Variants in PARD3 observed in about 807,000 individuals in gnomAD.
The protein encoded by PARD3 is partitioning defective 3 homolog.
Under a neutral mutation model 155.4 loss-of-function variants are expected in PARD3, and 75 were observed. That is an observed-to-expected ratio of 0.48 (90% CI 0.40 to 0.58). The LOEUF is 0.58. PARD3 is among the 20% of genes least tolerant of loss of function. The probability of loss-of-function intolerance (pLI) is 0.00; values close to 1 mark genes in which losing one functional copy is unlikely to be tolerated. For missense variants in PARD3, 1,642 were observed against 1,721.7 expected, an observed-to-expected ratio of 0.95 and a Z score of 0.82; for synonymous variants, 576 against 610.5, an observed-to-expected ratio of 0.94 and a Z score of 0.83.
At position 34,372,589 on chromosome 10, in the gene PARD3, C is replaced by T. The variant is rs1840802009; in HGVS notation, c.1669-53G>A. On this transcript the variant is annotated intron_variant, in intron 11 of 24. Coordinates refer to ENST00000374788, the MANE Select transcript of PARD3 (RefSeq NM_001184785.2). Reference sequence around the variant, plus strand: ...ACAGACTGACCAAAGCCATCTTCAACACACAGGGACACAATGATTTATTTT... The same window carrying T: ...ACAGACTGACCAAAGCCATCTTCAATACACAGGGACACAATGATTTATTTT... 1.5e-5 allele frequency: 17 copies of T among 1,166,664 alleles called. 1 individual carries two copies. The South Asian group carries it at 1.9e-4, about 13-fold the overall frequency. 72.3% of individuals were successfully genotyped at this position (1,166,664 alleles called of 1,614,324 possible). A position where few individuals can be genotyped will look rare whatever the true frequency, so the allele number is the denominator to read the frequency against.
Position 34,354,665 on chromosome 10 carries a change from T to C in PARD3, c.2067+4482A>G, listed in dbSNP as rs190540872. Reference sequence around the variant, plus strand: ...AGTCTTTGCTAGGATGAGGGGCAGATAGACTCAAGTGGAAGACCTAGAGGT... The same window carrying C: ...AGTCTTTGCTAGGATGAGGGGCAGACAGACTCAAGTGGAAGACCTAGAGGT... On this transcript the variant is annotated intron_variant, in intron 14 of 24. Transcript: ENST00000374788. Among the ~76,000 whole-genome samples, 26 of 152,130 alleles carry C rather than the reference T, an allele frequency of 1.7e-4. No homozygotes were observed. The East Asian group carries it at 1.9e-3, about 11-fold the overall frequency.
chr10:34,811,900 T>C (rs956031129), intron 1 of PARD3, among the ~76,000 whole-genome samples: 1 of 152,110 alleles, frequency 6.6e-6, no homozygotes, highest in Non-Finnish European at 1.5e-5. Context: ...TGTAACGCGG[T>C]TCCCAATGTC....
intron 2 of PARD3, among the ~76,000 whole-genome samples, chr10:34,535,434 G>A (rs2083155626): frequency 6.6e-6 from 1 of 152,156 alleles, no homozygotes; most frequent in African/African-American, 2.4e-5. Flanking sequence ...CTTCCATGAC[G>A]AAGAACAGTA....
At chr10:34,309,847 G>C (rs1268843324) in intron 20 of PARD3, among the ~76,000 whole-genome samples, 1 of 138,850 alleles carries the variant, frequency 7.2e-6, no homozygotes. Flanking sequence ...GAATGGTTTG[G>C]CTCTTGGCTT....
At chr10:34,716,516 T>C (rs776982891) in intron 1 of PARD3, among the ~76,000 whole-genome samples, 4 of 151,518 alleles carry the variant, frequency 2.6e-5, no homozygotes, top group Non-Finnish European at 2.9e-5. Context: ...CAGAGTAGGT[T>C]GTGAAGCTTG....
intron 10 of PARD3, 105 bp downstream of exon 10, chr10:34,377,862 G>GTA (rs1349349914): frequency 1.2e-6 from 1 of 838,674 alleles, no homozygotes; most frequent in Non-Finnish European, 1.8e-6. Context: ...CCGCTAAAAT[G>GTA]TATATAACTG....
At chr10:34,331,751 A>AT (rs1264585876) in intron 18 of PARD3, among the ~76,000 whole-genome samples, 1 of 123,188 alleles carries the variant, frequency 8.1e-6, no homozygotes, top group African/African-American at 3.5e-5. Flanking sequence ...CTTAATTAAA[A>AT]CCTTTTTTTT....
At chr10:34,219,443 C>G (rs938556805) in intron 22 of PARD3, among the ~76,000 whole-genome samples, 1 of 152,140 alleles carries the variant, frequency 6.6e-6, no homozygotes, top group Non-Finnish European at 1.5e-5. Flanking sequence ...TCCACTTTAG[C>G]GGGGGTATGC....
chr10:34,231,056 G>A lies in PARD3; in HGVS notation c.3419+38601C>T, dbSNP rs151288735. On this transcript the variant is annotated intron_variant, in intron 22 of 24. Coordinates refer to ENST00000374788, the MANE Select transcript of PARD3 (RefSeq NM_001184785.2). ...AAAAGAAAACCCCAACTGAAACTCAGGTTACTCCAGTTGTATCCAAAAGCG... is the reference window on the plus strand; with the variant it reads ...AAAAGAAAACCCCAACTGAAACTCAAGTTACTCCAGTTGTATCCAAAAGCG... Among the ~76,000 whole-genome samples the A allele has an allele frequency of 4.6e-5, 7 of 151,786 alleles. 1 individual carries two copies. The highest frequency in any genetic ancestry group is 1.0e-4 in the Non-Finnish European group (7 of 67,940).
chr10:34,559,605 T>A (rs1226079265), intron 2 of PARD3, among the ~76,000 whole-genome samples: 3 of 152,204 alleles, frequency 2.0e-5, no homozygotes, highest in Non-Finnish European at 4.4e-5. Context: ...GATTGCTACC[T>A]TTTTAACATC....
In PARD3 at chr10:34,166,144, T is replaced by C. The variant is rs60628591; in HGVS notation, c.3420-34561A>G. On this transcript the variant is annotated intron_variant, in intron 22 of 24. Transcript: ENST00000374788. Reference sequence around the variant, plus strand: ...ATGAAGCTTTGAAAAAGTTGTTCTATTGGAAAAAAATTAATTAGAAAACAA... The same window carrying C: ...ATGAAGCTTTGAAAAAGTTGTTCTACTGGAAAAAAATTAATTAGAAAACAA... 3.5e-3 allele frequency among the ~76,000 whole-genome samples: 530 copies of C among 152,320 alleles called. 3 individuals are homozygous for C. The highest frequency in any genetic ancestry group is 0.012 in the African/African-American group (511 of 41,560).
chr10:34,639,628 CAGG>C (rs1280331373), intron 2 of PARD3, among the ~76,000 whole-genome samples: 1 of 152,198 alleles, frequency 6.6e-6, no homozygotes, highest in Non-Finnish European at 1.5e-5. Context: ...GAGGCCAAAG[CAGG>C]AGGACTGCTA....
chr10:34,292,851 C>G (rs995089159), intron 20 of PARD3, among the ~76,000 whole-genome samples: 1 of 152,010 alleles, frequency 6.6e-6, no homozygotes, highest in African/African-American at 2.4e-5. Context: ...AAGTGCACTC[C>G]TACTCCAGCA....
intron 5 of PARD3, among the ~76,000 whole-genome samples, chr10:34,448,090 G>A (rs147480167): frequency 6.6e-6 from 1 of 152,064 alleles, no homozygotes; most frequent in African/African-American, 2.4e-5. Context: ...CAACCTAAGT[G>A]ACCTGCAACC....
At position 34,177,865 on chromosome 10, in the gene PARD3, C is replaced by T. The variant is rs546596337; in HGVS notation, c.3420-46282G>A. Among the ~76,000 whole-genome samples the T allele has an allele frequency of 6.6e-5, 10 of 152,284 alleles. No homozygotes were observed. In the South Asian group the frequency reaches 1.7e-3, roughly 25 times the overall value. On this transcript the variant is annotated intron_variant, in intron 22 of 24. Transcript: ENST00000374788. The stretch of plus-strand genomic sequence containing the variant: ...GGCCCTTTCCCCTTAATCTGCTGCA[C>T]GTGTGTTTCTTTTCCCTGCTGAGGA...
intron 1 of PARD3, among the ~76,000 whole-genome samples, chr10:34,717,018 A>G (rs1045690481): frequency 6.6e-6 from 1 of 152,166 alleles, no homozygotes; most frequent in African/African-American, 2.4e-5. Context: ...GTGGTCCAAG[A>G]TAACACCACT....
chr10:34,408,274 T>A (rs1477515124), intron 5 of PARD3, among the ~76,000 whole-genome samples: 10 of 152,032 alleles, frequency 6.6e-5, no homozygotes, highest in African/African-American at 2.4e-4. Context: ...CAAGTGTTTT[T>A]AAAAAAAATT....
intron 20 of PARD3, among the ~76,000 whole-genome samples, chr10:34,314,981 A>G (rs1186962838): frequency 6.6e-6 from 1 of 152,196 alleles, no homozygotes; most frequent in Non-Finnish European, 1.5e-5. Flanking sequence ...AAAAGTATGA[A>G]TGTCTGTTAT....
intron 22 of PARD3, among the ~76,000 whole-genome samples, chr10:34,236,217 A>G (rs1478505622): frequency 6.6e-6 from 1 of 152,184 alleles, no homozygotes; most frequent in African/African-American, 2.4e-5. Context: ...TTCACAATCT[A>G]CACAGCCTAC....
Sources: allele counts gnomAD v4.1 joint callset (sites outside exome capture counted in the v4.1 genomes callset), GRCh38; gene constraint gnomAD v4.1.1; transcripts MANE v1.5; gene names NCBI Gene and HGNC (gene_info 2026-07-23, HGNC 2026-07-21).